The following P4HA2 variants were observed in gnomAD, a reference collection of about 807,000 sequenced individuals.
P4HA2 encodes the protein prolyl 4-hydroxylase subunit alpha-2.
P4HA2 carries 46 observed loss-of-function variants against 76.9 expected under a neutral mutation model. The observed-to-expected ratio is 0.60, with a 90% CI of 0.47 to 0.76. P4HA2 has a LOEUF of 0.76. P4HA2 is among the 30% of genes least tolerant of loss of function. P4HA2 has a pLI of 0.00. For synonymous variants in P4HA2, 243 were observed against 254.0 expected, an observed-to-expected ratio of 0.96 and a Z score of 0.41; for missense variants, 583 against 669.4, an observed-to-expected ratio of 0.87 and a Z score of 1.42.
chr5:132,202,795 G>C (rs990488927), intron 10 of P4HA2: 3 of 152,222 alleles, frequency 2.0e-5, no homozygotes, highest in Admixed American at 1.3e-4. Flanking sequence ...GTCCCAGTGG[G>C]AGTACTTGGA....
intron 11 of P4HA2, among the ~76,000 whole-genome samples, chr5:132,198,592 T>A (rs1319631027): frequency 6.6e-6 from 1 of 152,160 alleles, no homozygotes; most frequent in Non-Finnish European, 1.5e-5. Context: ...AAAGACCTAG[T>A]GAGGCTCTTT....
At chr5:132,205,812 G>C (rs1248683854) in intron 8 of P4HA2, among the ~76,000 whole-genome samples, 1 of 152,166 alleles carries the variant, frequency 6.6e-6, no homozygotes. Flanking sequence ...GCCACAGCCA[G>C]ACCCCATCCA....
intron 5 of P4HA2, among the ~76,000 whole-genome samples, chr5:132,212,714 G>A (rs1044304277): frequency 2.0e-5 from 3 of 152,186 alleles, no homozygotes; most frequent in Non-Finnish European, 4.4e-5. Context: ...TGCTCACCTG[G>A]GGAAGGTGCT....
Position 132,214,011 on chromosome 5 carries a change from G to A in P4HA2, c.374C>T (p.Thr125Ile). The A allele has an allele frequency of 1.9e-6, 3 of 1,614,104 alleles. No individual in the cohort carries two copies. Among genetic ancestry groups the A allele is most frequent in the Non-Finnish European group, 2.5e-6 (3 of 1,179,940 alleles). The change falls in exon 5 of 15, where the codon ACT (threonine) becomes ATT (isoleucine). Residue 125 changes from threonine to isoleucine, a missense_variant. Physicochemically the swap from Thr to Ile is moderately conservative, Grantham distance 89 (BLOSUM62 -1). Transcript: ENST00000360568. Reference protein sequence around the residue: ...NLSVQRQFFPTDEDEIGAAKA... With the variant: ...NLSVQRQFFPIDEDEIGAAKA... ...GGCAGCTCCTATCTCGTCCTCATCA[G>A]TGGGGAAGAACTGCCGCTGCACAGA...
chr5:132,217,224 C>A lies in P4HA2; in HGVS notation c.304G>T (p.Asp102Tyr). 1 of 1,614,194 alleles carries A rather than the reference C, an allele frequency of 6.2e-7. No homozygotes were observed. The highest frequency in any genetic ancestry group is 1.1e-5 in the South Asian group (1 of 91,062). ...GCAGCTGAGTCCTGCAGGACAAGGT[C>A]CTCCAGCGCAGGCCAGTCTGTGTTT... ...RLNTDWPALE[D>Y]LVLQDSAAGF... Residue 102 changes from aspartate (D) to tyrosine (Y), a missense_variant, in exon 4 of 15, where the codon GAC becomes TAC. Physicochemically the swap from Asp to Tyr is radical, Grantham distance 160 (BLOSUM62 -3). Transcript: ENST00000360568.
intron 12 of P4HA2, chr5:132,197,902 C>A (rs944099803): frequency 3.4e-6 from 2 of 589,202 alleles, no homozygotes; most frequent in Non-Finnish European, 2.1e-6. Context: ...TTTAATACCA[C>A]TGAACCGTAC....
At chr5:132,195,187 A>C (rs1580639351) in intron 13 of P4HA2, 165 bp from the exon 14 acceptor site, 1 of 640,096 alleles carries the variant, frequency 1.6e-6, no homozygotes. Flanking sequence ...CCCAGAAAGC[A>C]CCTACCTTTC....
At chr5:132,210,239 T>G in intron 6 of P4HA2, 45 bp downstream of exon 6, 2 of 1,609,342 alleles carry the variant, frequency 1.2e-6, no homozygotes, top group Non-Finnish European at 1.7e-6. Context: ...GCAGTTCCTC[T>G]GCCACTCTCC....
At chr5:132,224,497 G>A (rs1465132691) in intron 1 of P4HA2, among the ~76,000 whole-genome samples, 1 of 152,242 alleles carries the variant, frequency 6.6e-6, no homozygotes, top group Non-Finnish European at 1.5e-5. Context: ...GCTGATTCCT[G>A]GGTGAGAAAG....
intron 10 of P4HA2, chr5:132,202,029 G>A (rs1015350721): frequency 1.3e-5 from 2 of 152,188 alleles, no homozygotes. Context: ...CCTGCTCCAA[G>A]AAGATATGAA....
rs1754249760 is a variant in P4HA2 at position 132,218,652 on chromosome 5, G to A, written c.-18-8C>T. ...GGTCACAGAGGGAAGTGTCTGAAAG[G>A]CATTCAATGACAATCACTGGATCAA... is the stretch of plus-strand genomic sequence containing the variant. On this transcript the variant is annotated splice_polypyrimidine_tract_variant and splice_region_variant and intron_variant, in intron 1 of 14. Coordinates refer to ENST00000360568, the MANE Select transcript of P4HA2 (RefSeq NM_001017974.2). The A allele has an allele frequency of 1.9e-6, 3 of 1,548,328 alleles. No individual in the cohort carries two copies. Among genetic ancestry groups the A allele is most frequent in the Non-Finnish European group, 2.7e-6 (3 of 1,120,278 alleles).
At chr5:132,197,208 C>T (rs958514956) in intron 12 of P4HA2, among the ~76,000 whole-genome samples, 3 of 152,186 alleles carry the variant, frequency 2.0e-5, no homozygotes, top group Non-Finnish European at 4.4e-5. Flanking sequence ...ACAAAGGCAG[C>T]TCTCATCTAG....
intron 12 of P4HA2, among the ~76,000 whole-genome samples, chr5:132,196,227 G>T (rs1337891829): frequency 6.6e-6 from 1 of 152,102 alleles, no homozygotes; most frequent in Non-Finnish European, 1.5e-5. Flanking sequence ...TCACTGAAGG[G>T]TACTTGACAG....
intron 12 of P4HA2, chr5:132,198,029 A>C: frequency 1.0e-6 from 1 of 985,278 alleles, no homozygotes; most frequent in Non-Finnish European, 1.2e-6. Context: ...GGCAGTGGGG[A>C]AAATGAATAG....
At chr5:132,220,916 G>A (rs937082360) in intron 1 of P4HA2, among the ~76,000 whole-genome samples, 3 of 152,190 alleles carry the variant, frequency 2.0e-5, no homozygotes, top group African/African-American at 7.2e-5. Flanking sequence ...CTGGAGAGCT[G>A]GGCACCTCCA....
At chr5:132,195,992 G>T (rs768336938) in intron 12 of P4HA2, among the ~76,000 whole-genome samples, 2 of 152,172 alleles carry the variant, frequency 1.3e-5, no homozygotes, top group African/African-American at 2.4e-5. Flanking sequence ...CTGAGTGGAA[G>T]GGTGGGGCAC....
intron 1 of P4HA2, among the ~76,000 whole-genome samples, chr5:132,224,558 G>T (rs914612937): frequency 7.2e-5 from 11 of 152,216 alleles, no homozygotes; most frequent in Admixed American, 7.2e-4. Context: ...GAAATTGGGC[G>T]ATCTCCATGT....
intron 4 of P4HA2, among the ~76,000 whole-genome samples, chr5:132,216,731 C>T (rs890648997): frequency 2.0e-5 from 3 of 152,188 alleles, no homozygotes; most frequent in African/African-American, 7.2e-5. Flanking sequence ...CTTGTAAATT[C>T]ATTGTCCCTC....
chr5:132,204,071 TC>T lies in P4HA2; in HGVS notation c.1151+10del, dbSNP rs1401541134. The T allele has an allele frequency of 6.2e-7, 1 of 1,609,434 alleles. No homozygotes were observed. The highest frequency in any genetic ancestry group is 1.3e-5 in the African/African-American group (1 of 74,946). ...GGCTTGAGCAGCTACGAACCCCTGC[TC>T]TTTGCTTACCTTTTGGAAACCCGGT... On this transcript the variant is annotated intron_variant, in intron 9 of 14. Transcript: ENST00000360568.
Sources: allele counts gnomAD v4.1 joint callset (sites outside exome capture counted in the v4.1 genomes callset), GRCh38; gene constraint gnomAD v4.1.1; transcripts MANE v1.5; gene names NCBI Gene and HGNC (gene_info 2026-07-23, HGNC 2026-07-21).